Variants in NF2 observed in about 807,000 individuals in gnomAD.
NF2 encodes merlin.
NF2 carries 8 observed loss-of-function variants against 83.7 expected under a neutral mutation model. That is an observed-to-expected ratio of 0.10 (90% CI 0.06 to 0.17). The LOEUF is 0.17. Among genes scored for constraint, NF2 ranks in the 10% least tolerant of loss-of-function variants. The pLI, the probability that NF2 is intolerant of heterozygous loss-of-function variation, is 1.00. For missense variants in NF2, 533 were observed against 744.4 expected (o/e 0.72, Z 3.31); for synonymous variants, 266 against 269.6 (o/e 0.99, Z 0.13).
chr22:29,625,577 G>A (rs994568784), intron 1 of NF2, among the ~76,000 whole-genome samples: 3 of 152,182 alleles, frequency 2.0e-5, no homozygotes, highest in Non-Finnish European at 4.4e-5. Context: ...AGGATGATGT[G>A]TTCTGTCCTC....
chr22:29,642,448 C>T (rs1205428494), intron 4 of NF2, among the ~76,000 whole-genome samples, 163 bp downstream of exon 4: 1 of 151,878 alleles, frequency 6.6e-6, no homozygotes. Flanking sequence ...GTCACTGTTC[C>T]AGTGTTTGTA....
intron 1 of NF2, among the ~76,000 whole-genome samples, chr22:29,606,108 C>T (rs933187023): frequency 6.6e-6 from 1 of 152,204 alleles, no homozygotes; most frequent in Non-Finnish European, 1.5e-5. Context: ...GCTTGCGCCA[C>T]CATGTCTGGC....
intron 15 of NF2, among the ~76,000 whole-genome samples, chr22:29,682,624 G>T (rs1436607105): frequency 6.6e-6 from 1 of 152,136 alleles, no homozygotes; most frequent in African/African-American, 2.4e-5. Context: ...AATTTACTGG[G>T]CTTCCCTTCC....
chr22:29,662,236 G>A (rs957333889), intron 8 of NF2, among the ~76,000 whole-genome samples: 1 of 152,156 alleles, frequency 6.6e-6, no homozygotes, highest in Admixed American at 6.5e-5. Context: ...CTGGGCTCAG[G>A]TGATCCTCTC....
chr22:29,645,551 G>A (rs1297849232), intron 4 of NF2, among the ~76,000 whole-genome samples: 3 of 152,110 alleles, frequency 2.0e-5, no homozygotes, highest in South Asian at 4.1e-4. Context: ...GTATCACCCC[G>A]ACAGTGATGA....
At chr22:29,690,039 C>T (rs1274110974) in intron 15 of NF2, among the ~76,000 whole-genome samples, 2 of 152,176 alleles carry the variant, frequency 1.3e-5, no homozygotes, top group East Asian at 3.9e-4. Context: ...ACGATGCTGG[C>T]GGAGGCTTTG....
intron 4 of NF2, among the ~76,000 whole-genome samples, chr22:29,651,224 T>G (rs1211907992): frequency 6.6e-6 from 1 of 152,212 alleles, no homozygotes; most frequent in African/African-American, 2.4e-5. Context: ...ATCTCATTTC[T>G]CATAGTTATA....
At chr22:29,691,109 C>A (rs2067392738) in intron 15 of NF2, among the ~76,000 whole-genome samples, 5 of 152,210 alleles carry the variant, frequency 3.3e-5, no homozygotes, top group Non-Finnish European at 5.9e-5. Context: ...TGCTTCATTA[C>A]CTGCTGAAAT....
intron 9 of NF2, among the ~76,000 whole-genome samples, chr22:29,667,855 T>C (rs1195331985): frequency 6.6e-6 from 1 of 152,142 alleles, no homozygotes; most frequent in Non-Finnish European, 1.5e-5. Flanking sequence ...AAGATATTCT[T>C]CTATATTGTC....
rs746025177 is a variant in NF2 at position 29,658,251 on chromosome 22, A to G, written c.662A>G (p.Tyr221Cys). The G allele has an allele frequency of 5.6e-6, 9 of 1,614,034 alleles. No homozygotes were observed. In the African/African-American group the frequency reaches 1.1e-4, roughly 19 times the overall value. The part of the protein sequence containing the change: ...AQDLEMYGVN[Y>C]FAIRNKKGTE... ...GACCTGGAGATGTACGGTGTGAACT[A>G]CTTTGCAATCCGGGTGTGTTGAAAC... The change falls in exon 7 of 16, where the codon TAC (tyrosine) becomes TGC (cysteine). Residue 221 changes from tyrosine (Y) to cysteine (C), a missense_variant. By Grantham distance (194) the Tyr-to-Cys change is radical. Coordinates refer to ENST00000338641, the MANE Select transcript of NF2 (RefSeq NM_000268.4).
intron 4 of NF2, among the ~76,000 whole-genome samples, chr22:29,643,844 T>G (rs1357926191): frequency 1.3e-5 from 2 of 152,004 alleles, no homozygotes; most frequent in Non-Finnish European, 2.9e-5. Context: ...GCAGAGGGGC[T>G]CCTTACTTCC....
At chr22:29,693,546 G>A (rs1049622147) in intron 15 of NF2, among the ~76,000 whole-genome samples, 1 of 152,096 alleles carries the variant, frequency 6.6e-6, no homozygotes, top group African/African-American at 2.4e-5. Context: ...ATGCAGACTC[G>A]AGGGGTCCAG....
chr22:29,668,497 G>A, intron 10 of NF2, 51 bp downstream of exon 10: 1 of 1,434,660 alleles, frequency 7.0e-7, no homozygotes, highest in Non-Finnish European at 9.8e-7. Context: ...GTCAGTCCTG[G>A]CCTGGGAGGC....
At chr22:29,678,053 T>C in intron 13 of NF2, 143 bp from the exon 14 acceptor site, 1 of 963,142 alleles carries the variant, frequency 1.0e-6, no homozygotes, top group South Asian at 1.3e-5. Context: ...AGTGGAGGGA[T>C]GGGGACTCGT....
At chr22:29,618,764 C>G (rs1221232274) in intron 1 of NF2, among the ~76,000 whole-genome samples, 1 of 152,158 alleles carries the variant, frequency 6.6e-6, no homozygotes, top group Non-Finnish European at 1.5e-5. Context: ...TTTCACATAC[C>G]TAAGTGAGAT....
chr22:29,621,662 T>G (rs1351500771), intron 1 of NF2, among the ~76,000 whole-genome samples: 1 of 151,588 alleles, frequency 6.6e-6, no homozygotes, highest in South Asian at 2.1e-4. Flanking sequence ...GAGTGAGACC[T>G]TGTCTCAAAA....
chr22:29,691,671 C>T (rs890689550), intron 15 of NF2, among the ~76,000 whole-genome samples: 1 of 152,232 alleles, frequency 6.6e-6, no homozygotes, highest in African/African-American at 2.4e-5. Context: ...TTTCTAGAAG[C>T]AGCAGATGGT....
At position 29,697,909 on chromosome 22, in the gene NF2, T is replaced by G. The variant is rs886057381; in HGVS notation, c.*3107T>G. On this transcript the variant is annotated 3_prime_UTR_variant, in exon 16 of 16. Transcript: ENST00000338641. ...GCGAACATTTTAGGGCCTGGGAGTT[T>G]GTCAAGTAAGGAAGTCTCAAGCCCA... 1.6e-4 allele frequency: 34 copies of G among 215,282 alleles called. No individual in the cohort carries two copies. The highest frequency in any genetic ancestry group is 1.5e-3 in the Middle Eastern group (1 of 684). The allele number at this position is 215,282 out of a possible 1,614,324, so 13.3% of individuals were successfully genotyped here.
At chr22:29,680,608 TC>T (rs2067102696) in intron 14 of NF2, among the ~76,000 whole-genome samples, 1 of 152,254 alleles carries the variant, frequency 6.6e-6, no homozygotes, top group Non-Finnish European at 1.5e-5. Flanking sequence ...ATTTTCACCA[TC>T]ATAGATGCTG....
Sources: allele counts gnomAD v4.1 joint callset (sites outside exome capture counted in the v4.1 genomes callset), GRCh38; gene constraint gnomAD v4.1.1; transcripts MANE v1.5; gene names NCBI Gene and HGNC (gene_info 2026-07-23, HGNC 2026-07-21).